C5: variants seen among roughly 807,000 people sequenced by gnomAD.
The protein encoded by C5 is C3 and PZP-like alpha-2-macroglobulin domain-containing protein 4.
In C5, 140 loss-of-function variants were observed where a neutral mutation model predicts 218.8. The ratio of observed to expected loss-of-function variants is 0.64; its 90% CI spans 0.56 to 0.74. The LOEUF (loss-of-function observed/expected upper bound fraction) is 0.74. Ranked by LOEUF, C5 falls within the 30% of genes least tolerant of loss-of-function variation. C5 has a pLI of 0.00. For synonymous variants in C5, 614 were observed against 682.3 expected (o/e 0.90, Z 1.56); for missense variants, 1,700 against 1,969.6 (o/e 0.86, Z 2.59).
chr9:121,037,609 C>T lies in C5; in HGVS notation c.492+272G>A, dbSNP rs549610104. ...TACAGGTGTGAGCCACCACGCCCGG[C>T]CAGTGGGTGTTCTTTAAAAAATAAA... On this transcript the variant is annotated intron_variant, in intron 4 of 40. Coordinates refer to ENST00000223642, the MANE Select transcript of C5 (RefSeq NM_001735.3). Among the ~76,000 whole-genome samples the T allele has an allele frequency of 2.6e-5, 4 of 152,164 alleles. No individual in the cohort carries two copies. In the South Asian group the frequency reaches 8.3e-4, roughly 32 times the overall value.
chr9:121,002,290 GTATATATGTA>G (rs2047175481), intron 20 of C5, among the ~76,000 whole-genome samples: 1 of 101,256 alleles, frequency 9.9e-6, no homozygotes, highest in African/African-American at 3.5e-5. Context: ...ACGTATATAT[GTATATATGTA>G]TATATATATG....
In C5 at chr9:121,037,895, C is replaced by G; in HGVS notation, c.478G>C (p.Val160Leu). ...DDLKPAKRET[V>L]LTFIDPEGSE... Reference sequence around the variant, plus strand: ...AAAATACTTACTATGAAAGTTAAGACAGTTTCTCTTTTGGCTGGCTTCAAG... The same window carrying G: ...AAAATACTTACTATGAAAGTTAAGAGAGTTTCTCTTTTGGCTGGCTTCAAG... The change falls in exon 4 of 41, where the codon GTC becomes CTC. Residue 160 changes from valine (V) to leucine (L), a missense_variant. Coordinates refer to ENST00000223642, the MANE Select transcript of C5 (RefSeq NM_001735.3). The G allele has an allele frequency of 2.7e-6, 4 of 1,493,206 alleles. No individual in the cohort carries two copies. The highest frequency in any genetic ancestry group is 3.7e-6 in the Non-Finnish European group (4 of 1,085,614). 92.5% of individuals were successfully genotyped at this position (1,493,206 alleles called of 1,614,324 possible).
At chr9:121,003,863 T>A (rs925758797) in intron 20 of C5, among the ~76,000 whole-genome samples, 2 of 152,224 alleles carry the variant, frequency 1.3e-5, no homozygotes, top group Admixed American at 1.3e-4. Context: ...TTCATTTATC[T>A]AATGAGAAGA....
the C5 span, among the ~76,000 whole-genome samples, chr9:121,062,053 G>C: frequency 2.0e-5 from 3 of 148,154 alleles, no homozygotes; most frequent in Non-Finnish European, 4.4e-5. Flanking sequence ...TTGTTTTTTT[G>C]TTGTTGTTGT....
chr9:121,010,121 G>A (rs1056144938), intron 17 of C5, among the ~76,000 whole-genome samples: 1 of 152,200 alleles, frequency 6.6e-6, no homozygotes, highest in Non-Finnish European at 1.5e-5. Context: ...TAGTGCACTG[G>A]AAGTCCTAGC....
At chr9:120,955,565 C>T (rs1206406450) in intron 39 of C5, among the ~76,000 whole-genome samples, 2 of 152,076 alleles carry the variant, frequency 1.3e-5, no homozygotes, top group Non-Finnish European at 2.9e-5. Context: ...ACTGTGGCAA[C>T]ATCAAAGTTC....
chr9:121,041,958 G>A (rs189750890), intron 3 of C5, among the ~76,000 whole-genome samples: 2 of 152,220 alleles, frequency 1.3e-5, no homozygotes, highest in East Asian at 3.9e-4. Flanking sequence ...CTGCTGAAAC[G>A]GTAATGGTTC....
Position 120,969,077 on chromosome 9 carries a change from T to C in C5, c.4204A>G (p.Ile1402Val), listed in dbSNP as rs142459293. The change falls in exon 33 of 41, where the codon ATA (isoleucine) becomes GTA (valine). Residue 1402 changes from isoleucine to valine, a missense_variant. Physicochemically the swap from Ile to Val is conservative, Grantham distance 29. Transcript: ENST00000223642. ...TAGGCTCACCTGGCACATGCTACTATGCGTTTGTAATCAGAGTTTCCGTAG... is the reference window on the plus strand; with the variant it reads ...TAGGCTCACCTGGCACATGCTACTACGCGTTTGTAATCAGAGTTTCCGTAG... ...RGYGNSDYKR[I>V]VACASYKPSR... The C allele has an allele frequency of 5.8e-4, 937 of 1,614,008 alleles. 1 individual carries two copies. The highest frequency in any genetic ancestry group is 7.4e-4 in the Non-Finnish European group (875 of 1,179,860).
At chr9:120,970,402 G>C in intron 31 of C5, 151 bp from the exon 32 acceptor site, 4 of 689,740 alleles carry the variant, frequency 5.8e-6, no homozygotes, top group Non-Finnish European at 5.3e-6. Context: ...CATTTTTCCA[G>C]CAGCTGGACT....
At chr9:121,002,256 A>ATATATG (rs1328710610) in intron 20 of C5, among the ~76,000 whole-genome samples, 3 of 98,772 alleles carry the variant, frequency 3.0e-5, no homozygotes, top group African/African-American at 1.7e-4. Flanking sequence ...ATATATATGT[A>ATATATG]TATATGTATA....
chr9:121,071,922 G>T, the C5 span, among the ~76,000 whole-genome samples: 1 of 152,178 alleles, frequency 6.6e-6, no homozygotes, highest in Non-Finnish European at 1.5e-5. Context: ...TATTGTAAAT[G>T]CAACTCAGAG....
intron 1 of C5, 50 bp from the exon 2 acceptor site, chr9:121,046,433 T>G: frequency 7.5e-7 from 1 of 1,339,254 alleles, no homozygotes; most frequent in Non-Finnish European, 1.1e-6. Flanking sequence ...TGACATATTT[T>G]CTTTTACTTT....
At chr9:121,064,663 A>G in the C5 span, among the ~76,000 whole-genome samples, 1 of 152,216 alleles carries the variant, frequency 6.6e-6, no homozygotes, top group African/African-American at 2.4e-5. Context: ...AGCATTGGTA[A>G]AATATCAGAT....
At chr9:121,023,339 CAT>C (rs1345927366) in intron 10 of C5, 63 bp downstream of exon 10, 13 of 1,021,074 alleles carry the variant, frequency 1.3e-5, no homozygotes, top group Admixed American at 5.1e-5. Context: ...TTGCCACCCA[CAT>C]GTTTTCCATG....
chr9:121,013,900 G>T lies in C5; in HGVS notation c.2230C>A (p.His744Asn). The change falls in exon 17 of 41, where the codon CAT becomes AAT. Residue 744 changes from histidine (H) to asparagine (N), a missense_variant. His to Asn is a moderately conservative substitution (Grantham distance 68). Coordinates refer to ENST00000223642, the MANE Select transcript of C5 (RefSeq NM_001735.3). ...AGCCTTCCCAATTGCATGTCTTTAT[G>T]AGAGATATTAGCACGGAGCTGGCTT... Reference protein sequence around the residue: ...VASQLRANISHKDMQLGRLHM... With the variant: ...VASQLRANISNKDMQLGRLHM... 1 of 1,613,998 alleles carries T rather than the reference G, an allele frequency of 6.2e-7. No homozygotes were observed. Among genetic ancestry groups the T allele is most frequent in the Non-Finnish European group, 8.5e-7 (1 of 1,179,968 alleles).
At chr9:120,993,509 G>A (rs1244397707) in intron 22 of C5, among the ~76,000 whole-genome samples, 2 of 152,136 alleles carry the variant, frequency 1.3e-5, no homozygotes, top group Non-Finnish European at 2.9e-5. Flanking sequence ...TGCAAGCTCC[G>A]CCTCCCGGGT....
At position 121,030,388 on chromosome 9, in the gene C5, T is replaced by TGTTC; in HGVS notation, c.758+5_758+8dup. 5 of 1,346,852 alleles carry TGTTC rather than the reference T, an allele frequency of 3.7e-6. No individual in the cohort carries two copies. The highest frequency in any genetic ancestry group is 5.1e-6 in the Non-Finnish European group (5 of 973,560). 83.4% of individuals were successfully genotyped at this position (1,346,852 alleles called of 1,614,324 possible). On this transcript the variant is annotated intron_variant, in intron 7 of 40. Coordinates refer to ENST00000223642, the MANE Select transcript of C5 (RefSeq NM_001735.3). ...AAAATAAAAACAACAAAAAAACAAATGTTCTTACCTTGCTTTTATAGTAAT... is the reference window on the plus strand; with the variant it reads ...AAAATAAAAACAACAAAAAAACAAATGTTCGTTCTTACCTTGCTTTTATAGTAAT...
intron 33 of C5, among the ~76,000 whole-genome samples, chr9:120,965,557 T>C (rs1253453768): frequency 2.1e-5 from 3 of 144,830 alleles, no homozygotes; most frequent in Admixed American, 2.0e-4. Flanking sequence ...AATAAATAAA[T>C]AAATAAAAGC....
chr9:121,005,957 T>C lies in C5; in HGVS notation c.2524A>G (p.Lys842Glu), dbSNP rs2047212399. ...GTCCTATAGTTGTAAACAGTTCCTT[T>C]CAATTGGATCTGTTCTCCTCGTACA... Reference protein sequence around the residue: ...SVVRGEQIQLKGTVYNYRTSG... With the variant: ...SVVRGEQIQLEGTVYNYRTSG... The change falls in exon 20 of 41, where the codon AAA (lysine) becomes GAA (glutamate). Residue 842 changes from lysine to glutamate, a missense_variant. Lys to Glu is a moderately conservative substitution (Grantham distance 56, BLOSUM62 1). Transcript: ENST00000223642. 2 of 1,613,720 alleles carry C rather than the reference T, an allele frequency of 1.2e-6. No individual in the cohort carries two copies. The highest frequency in any genetic ancestry group is 1.3e-5 in the African/African-American group (1 of 75,038).
Sources: gnomAD v4.1 joint callset for allele counts (sites outside exome capture counted in the v4.1 genomes callset) on GRCh38, gnomAD v4.1.1 for gene constraint, MANE v1.5 for transcripts, NCBI Gene and HGNC (gene_info 2026-07-23, HGNC 2026-07-21) for gene names.